The following DEUP1 variants were observed in gnomAD, a reference collection of about 807,000 sequenced individuals.
DEUP1 encodes the protein deuterosome assembly protein 1, also known as coiled-coil domain containing 67.
Under a neutral mutation model 87.4 loss-of-function variants are expected in DEUP1, and 82 were observed. The observed-to-expected ratio is 0.94, with a 90% CI of 0.78 to 1.13. The LOEUF (loss-of-function observed/expected upper bound fraction) is 1.13, where lower values mean the gene tolerates loss of function less well. Ranked by LOEUF, DEUP1 falls within the 50% of genes most tolerant of loss-of-function variation. The pLI, the probability that DEUP1 is intolerant of heterozygous loss-of-function variation, is 0.00. For synonymous variants in DEUP1, 214 were observed against 222.7 expected (o/e 0.96, Z 0.35); for missense variants, 663 against 681.5 (o/e 0.97, Z 0.30).
intron 4 of DEUP1, among the ~76,000 whole-genome samples, chr11:93,363,935 G>A (rs77160116): frequency 0.025 from 3,773 of 151,992 alleles, 68 homozygotes; most frequent in South Asian, 0.075. Flanking sequence ...TTGTTTAACT[G>A]TGCAGTTAAT....
At chr11:93,362,955 C>T (rs1278634644) in intron 4 of DEUP1, among the ~76,000 whole-genome samples, 1 of 151,606 alleles carries the variant, frequency 6.6e-6, no homozygotes, top group Non-Finnish European at 1.5e-5. Context: ...AAAGTAGACA[C>T]CATTGTTCAT....
chr11:93,427,414 C>A (rs975570095), intron 13 of DEUP1, among the ~76,000 whole-genome samples: 1 of 152,058 alleles, frequency 6.6e-6, no homozygotes, highest in African/African-American at 2.4e-5. Context: ...GGAAAACTGG[C>A]TAGCCATATG....
At chr11:93,406,196 A>G (rs1040908744) in intron 11 of DEUP1, among the ~76,000 whole-genome samples, 1 of 151,920 alleles carries the variant, frequency 6.6e-6, no homozygotes, top group Non-Finnish European at 1.5e-5. Flanking sequence ...TTCATATTCT[A>G]TTCTGAGGAC....
chr11:93,416,971 A>C (rs1179245995), intron 13 of DEUP1, among the ~76,000 whole-genome samples: 1 of 152,212 alleles, frequency 6.6e-6, no homozygotes, highest in Non-Finnish European at 1.5e-5. Context: ...ATTTGACAAA[A>C]TTCAACAACA....
At position 93,357,017 on chromosome 11, in the gene DEUP1, G is replaced by T. The variant is rs777682097; in HGVS notation, c.271G>T (p.Gly91Ter). Residue 91 changes from glycine to a stop codon, truncating the protein, a stop_gained, in exon 4 of 14, where the codon GGA becomes TGA. Transcript: ENST00000298050. LOFTEE classifies it high-confidence loss of function. Reference sequence around the variant, plus strand: ...TTTAGCAATGACTCAGAATTATGAAGGACAACTACAAAGCCTAAAGGCTCA... The same window carrying T: ...TTTAGCAATGACTCAGAATTATGAATGACAACTACAAAGCCTAAAGGCTCA... ...CNLAMTQNYE[G>*]QLQSLKAQFS... The T allele has an allele frequency of 2.5e-6, 4 of 1,593,128 alleles. No homozygotes were observed. In the Admixed American group the frequency reaches 7.0e-5, roughly 28 times the overall value.
At chr11:93,359,039 G>A (rs1346909798) in intron 4 of DEUP1, among the ~76,000 whole-genome samples, 2 of 152,068 alleles carry the variant, frequency 1.3e-5, no homozygotes, top group Non-Finnish European at 2.9e-5. Context: ...AGGAAGAAAG[G>A]GAAGGAGAGC....
intron 13 of DEUP1, among the ~76,000 whole-genome samples, chr11:93,434,133 C>T (rs1446683271): frequency 6.6e-6 from 1 of 152,200 alleles, no homozygotes; most frequent in East Asian, 1.9e-4. Flanking sequence ...TTGCACCACT[C>T]AGAACCACCT....
At chr11:93,405,263 C>A (rs16918905) in intron 11 of DEUP1, among the ~76,000 whole-genome samples, 2,253 of 151,978 alleles carry the variant, frequency 0.015, 21 homozygotes, top group East Asian at 0.059. Flanking sequence ...ATGTATAAGA[C>A]CCTGCCTCCT....
intron 2 of DEUP1, among the ~76,000 whole-genome samples, chr11:93,352,983 A>G (rs1426414734): frequency 2.6e-5 from 4 of 152,004 alleles, no homozygotes; most frequent in Admixed American, 6.6e-5. Flanking sequence ...TTCAAAACCA[A>G]TCATGCCTTC....
At chr11:93,383,208 C>A (rs973365319) in intron 7 of DEUP1, among the ~76,000 whole-genome samples, 1 of 152,134 alleles carries the variant, frequency 6.6e-6, no homozygotes, top group South Asian at 2.1e-4. Flanking sequence ...AAAGTAGAAA[C>A]AACCCAAATG....
rs1555068638 is a variant in DEUP1 at position 93,437,748 on chromosome 11, C to CCCG, written c.*31_*32insGCC. On this transcript the variant is annotated 3_prime_UTR_variant, in exon 14 of 14. Transcript: ENST00000298050. ...TTTAAACTTTTTTATTTGCTTCCCC[C>CCCG]CCCCACCCCCGCCAAGAAAAAAAGC... The CCCG allele has an allele frequency of 9.4e-7, 1 of 1,065,204 alleles. No individual in the cohort carries two copies. The highest frequency in any genetic ancestry group is 1.3e-6 in the Non-Finnish European group (1 of 744,324). 66.0% of individuals were successfully genotyped at this position (1,065,204 alleles called of 1,614,324 possible). A position where few individuals can be genotyped will look rare whatever the true frequency, so the allele number is the denominator to read the frequency against.
intron 2 of DEUP1, among the ~76,000 whole-genome samples, chr11:93,346,051 T>A (rs980629596): frequency 1.3e-5 from 2 of 152,160 alleles, no homozygotes; most frequent in African/African-American, 4.8e-5. Flanking sequence ...AAGGAAGGGA[T>A]CCAGTTTCAA....
chr11:93,347,525 C>T (rs1488161631), intron 2 of DEUP1, among the ~76,000 whole-genome samples: 2 of 151,996 alleles, frequency 1.3e-5, no homozygotes, highest in East Asian at 1.9e-4. Context: ...TGATGCCGGC[C>T]TCATAGAATG....
chr11:93,345,689 T>G (rs968775538), intron 2 of DEUP1, among the ~76,000 whole-genome samples: 3 of 152,178 alleles, frequency 2.0e-5, no homozygotes, highest in African/African-American at 7.2e-5. Flanking sequence ...TTGACCATTT[T>G]CTAAATGGGG....
chr11:93,371,138 A>C lies in DEUP1; in HGVS notation c.647A>C (p.Asn216Thr), dbSNP rs746921429. ...CGTTTGATATGTGACCCAGATCCCA[A>C]TTGTGAAATCAATGAAAGAGATGAG... ...IPRLICDPDP[N>T]CEINERDEFI... Residue 216 changes from asparagine (N) to threonine (T), a missense_variant, in exon 7 of 14, where the codon AAT becomes ACT. Coordinates refer to ENST00000298050, the MANE Select transcript of DEUP1 (RefSeq NM_181645.4). 6.2e-7 allele frequency: 1 copy of C among 1,613,294 alleles called. No individual in the cohort carries two copies. Among genetic ancestry groups the C allele is most frequent in the East Asian group, 2.2e-5 (1 of 44,824 alleles).
At chr11:93,404,329 A>G (rs1947205288) in intron 11 of DEUP1, among the ~76,000 whole-genome samples, 1 of 152,090 alleles carries the variant, frequency 6.6e-6, no homozygotes, top group Non-Finnish European at 1.5e-5. Flanking sequence ...TTAGTCCTTC[A>G]ATTGTATTAT....
chr11:93,429,798 C>T (rs545956173), intron 13 of DEUP1, among the ~76,000 whole-genome samples: 8 of 152,288 alleles, frequency 5.3e-5, no homozygotes, highest in Admixed American at 4.6e-4. Context: ...GGGCTTCCTT[C>T]TATCTCTAAA....
chr11:93,379,004 C>G (rs755787037), intron 7 of DEUP1, among the ~76,000 whole-genome samples: 1 of 152,184 alleles, frequency 6.6e-6, no homozygotes, highest in South Asian at 2.1e-4. Context: ...TCTGCTCAGG[C>G]TCATTTTGCT....
intron 12 of DEUP1, chr11:93,410,943 G>T (rs943620185): frequency 2.4e-4 from 37 of 152,170 alleles, no homozygotes; most frequent in African/African-American, 8.7e-4. Flanking sequence ...AGTTTCATTT[G>T]TTGAAAGTTT....
Sources: allele counts gnomAD v4.1 joint callset (sites outside exome capture counted in the v4.1 genomes callset), GRCh38; gene constraint gnomAD v4.1.1; transcripts MANE v1.5; gene names NCBI Gene and HGNC (gene_info 2026-07-23, HGNC 2026-07-21).